The following DLG2 variants were observed in gnomAD, a reference collection of about 807,000 sequenced individuals.
DLG2 encodes the protein disks large homolog 2.
DLG2 carries 45 observed loss-of-function variants against 132.5 expected under a neutral mutation model. The observed-to-expected ratio is 0.34, with a 90% confidence interval of 0.27 to 0.44. The LOEUF (loss-of-function observed/expected upper bound fraction) is 0.44. DLG2 is among the 20% of genes least tolerant of loss of function. DLG2 has a pLI of 1.00. For missense variants in DLG2, 1,045 were observed against 1,196.9 expected, an observed-to-expected ratio of 0.87 and a Z score of 1.87; for synonymous variants, 424 against 419.6, an observed-to-expected ratio of 1.01 and a Z score of -0.13.
chr11:84,946,993 G>T (rs1017087687), intron 6 of DLG2, among the ~76,000 whole-genome samples: 3 of 152,058 alleles, frequency 2.0e-5, no homozygotes, highest in Non-Finnish European at 2.9e-5. Flanking sequence ...ATTATTATAG[G>T]ACAGCACTGA....
intron 3 of DLG2, among the ~76,000 whole-genome samples, chr11:85,524,645 G>T (rs1271068839): frequency 6.6e-6 from 1 of 152,126 alleles, no homozygotes; most frequent in South Asian, 2.1e-4. Context: ...GTCTCGCACT[G>T]CCACATTCGA....
intron 6 of DLG2, among the ~76,000 whole-genome samples, chr11:84,808,037 A>C (rs1422320867): frequency 6.6e-6 from 1 of 152,158 alleles, no homozygotes; most frequent in Non-Finnish European, 1.5e-5. Context: ...AACTAGAAGA[A>C]TACATATTTT....
intron 21 of DLG2, among the ~76,000 whole-genome samples, chr11:83,517,001 C>T (rs1262447805): frequency 1.3e-5 from 2 of 152,076 alleles, no homozygotes; most frequent in Non-Finnish European, 2.9e-5. Context: ...AATTATGTGT[C>T]TTGGAGTTGC....
At position 83,618,871 on chromosome 11, in the gene DLG2, C is replaced by G. The variant is rs181488469; in HGVS notation, c.1940+14340G>C. 9.8e-5 allele frequency among the ~76,000 whole-genome samples: 15 copies of G among 152,338 alleles called. No individual in the cohort carries two copies. The East Asian group carries it at 2.3e-3, about 23-fold the overall frequency. ...TCTCAAATCTCCCCTATTTCCTACC[C>G]TCTGCATAGGTGTCAGATCCTGGAG... On this transcript the variant is annotated intron_variant, in intron 19 of 27. Coordinates refer to ENST00000376104, the MANE Select transcript of DLG2 (RefSeq NM_001142699.3).
At chr11:83,631,879 T>G (rs1424870045) in intron 19 of DLG2, 1 of 152,182 alleles carries the variant, frequency 6.6e-6, no homozygotes, top group Non-Finnish European at 1.5e-5. Context: ...CTTTGTAGCA[T>G]GTAGACCAGC....
chr11:85,106,331 G>A (rs1177275059), intron 6 of DLG2, among the ~76,000 whole-genome samples: 3 of 151,864 alleles, frequency 2.0e-5, no homozygotes, highest in South Asian at 2.1e-4. Flanking sequence ...TATCAATAGC[G>A]CTCATTAATA....
At chr11:85,036,762 T>C (rs1351680687) in intron 6 of DLG2, among the ~76,000 whole-genome samples, 3 of 152,234 alleles carry the variant, frequency 2.0e-5, no homozygotes, top group Non-Finnish European at 2.9e-5. Flanking sequence ...ACATGGCTTA[T>C]ATAAAACAGC....
chr11:84,021,502 G>A (rs2154077695), intron 11 of DLG2, among the ~76,000 whole-genome samples: 1 of 152,204 alleles, frequency 6.6e-6, no homozygotes, highest in Admixed American at 6.5e-5. Context: ...ACTTCTTCCA[G>A]TCTGGTCCTT....
At position 84,051,126 on chromosome 11, in the gene DLG2, G is replaced by A. The variant is rs1197976721; in HGVS notation, c.919+8189C>T. 4.6e-5 allele frequency among the ~76,000 whole-genome samples: 7 copies of A among 151,874 alleles called. 1 individual carries two copies. The highest frequency in any genetic ancestry group is 4.2e-4 in the South Asian group (2 of 4,814). ...GATCATTAAAAAGACAGGAAATAAC[G>A]GGTGCTGGAGAGGATGTGGAGAAAT... is the stretch of plus-strand genomic sequence containing the variant. On this transcript the variant is annotated intron_variant, in intron 11 of 27. Transcript: ENST00000376104.
chr11:83,822,334 T>G (rs1304352541), intron 17 of DLG2, among the ~76,000 whole-genome samples: 7 of 152,134 alleles, frequency 4.6e-5, no homozygotes, highest in Non-Finnish European at 1.0e-4. Context: ...AAGAAGCACT[T>G]ATGATCCTTA....
chr11:85,446,437 A>G (rs139373046), intron 3 of DLG2, among the ~76,000 whole-genome samples: 1 of 152,312 alleles, frequency 6.6e-6, no homozygotes, highest in Admixed American at 6.5e-5. Context: ...TCAAATAACA[A>G]TTCTTGTAAT....
intron 8 of DLG2, among the ~76,000 whole-genome samples, chr11:84,194,859 T>A (rs1462309361): frequency 1.3e-5 from 2 of 152,188 alleles, no homozygotes; most frequent in Non-Finnish European, 2.9e-5. Context: ...TCTCACTGCC[T>A]GGGGCCGGCG....
intron 4 of DLG2, among the ~76,000 whole-genome samples, chr11:85,241,043 G>T (rs1484849920): frequency 1.3e-5 from 2 of 151,462 alleles, no homozygotes; most frequent in African/African-American, 4.8e-5. Flanking sequence ...CTATGAACAT[G>T]ATTTTATTTA....
chr11:83,926,767 A>G (rs1441216621), intron 15 of DLG2, among the ~76,000 whole-genome samples: 2 of 152,118 alleles, frequency 1.3e-5, no homozygotes, highest in Non-Finnish European at 2.9e-5. Context: ...GAGGGTCTAT[A>G]TGTTATTCAA....
intron 7 of DLG2, among the ~76,000 whole-genome samples, chr11:84,349,589 C>T (rs2098553662): frequency 6.6e-6 from 1 of 152,172 alleles, no homozygotes; most frequent in Non-Finnish European, 1.5e-5. Flanking sequence ...CGGTCATGTA[C>T]AGTAGGTCTA....
At chr11:84,349,828 T>C (rs1274712669) in intron 7 of DLG2, among the ~76,000 whole-genome samples, 1 of 134,076 alleles carries the variant, frequency 7.5e-6, no homozygotes, top group Non-Finnish European at 1.5e-5. Context: ...AGTGAGACTC[T>C]GCCTCTAAAA....
At chr11:83,965,096 A>C (rs1294591722) in intron 13 of DLG2, among the ~76,000 whole-genome samples, 2 of 152,000 alleles carry the variant, frequency 1.3e-5, no homozygotes, top group Non-Finnish European at 2.9e-5. Flanking sequence ...CCTCAACATT[A>C]AGCCTTTCCA....
At chr11:85,609,552 T>C (rs942226163) in intron 2 of DLG2, among the ~76,000 whole-genome samples, 1 of 152,098 alleles carries the variant, frequency 6.6e-6, no homozygotes, top group Non-Finnish European at 1.5e-5. Flanking sequence ...AAAAAGATTG[T>C]CCAATGAGAA....
chr11:84,441,191 G>T (rs1181808622), intron 7 of DLG2, among the ~76,000 whole-genome samples: 1 of 151,602 alleles, frequency 6.6e-6, no homozygotes, highest in Non-Finnish European at 1.5e-5. Flanking sequence ...CTGTCACCCA[G>T]GATGGAGTGC....
Sources: gnomAD v4.1 joint callset for allele counts (sites outside exome capture counted in the v4.1 genomes callset) on GRCh38, gnomAD v4.1.1 for gene constraint, MANE v1.5 for transcripts, NCBI Gene and HGNC (gene_info 2026-07-23, HGNC 2026-07-21) for gene names.